The following OTUD7A variants were observed in gnomAD, a reference collection of about 807,000 sequenced individuals.
OTUD7A encodes the protein OTU domain-containing protein 7A.
In OTUD7A, 12 loss-of-function variants were observed where a neutral mutation model predicts 65.7. The ratio of observed to expected loss-of-function variants is 0.18; its 90% CI spans 0.12 to 0.30. The LOEUF (loss-of-function observed/expected upper bound fraction) is 0.30, where lower values mean the gene tolerates loss of function less well. Among genes scored for constraint, OTUD7A ranks in the 10% least tolerant of loss-of-function variants. OTUD7A has a pLI of 1.00. For synonymous variants in OTUD7A, 641 were observed against 586.3 expected (o/e 1.09, Z -1.35); for missense variants, 1,148 against 1,304.8 (o/e 0.88, Z 1.85).
At chr15:31,504,677 T>G (rs1350862328) in intron 8 of OTUD7A, among the ~76,000 whole-genome samples, 2 of 67,710 alleles carry the variant, frequency 3.0e-5, no homozygotes, top group African/African-American at 1.6e-4. Context: ...GTTTGAGGAA[T>G]GCTCAGAATT....
chr15:31,678,490 T>C (rs574976688), intron 1 of OTUD7A, among the ~76,000 whole-genome samples: 1 of 152,240 alleles, frequency 6.6e-6, no homozygotes, highest in South Asian at 2.1e-4. Context: ...AACGGTTTTG[T>C]GGGTTGGGCC....
chr15:31,681,345 A>G (rs1892711613), intron 1 of OTUD7A, among the ~76,000 whole-genome samples: 1 of 151,524 alleles, frequency 6.6e-6, no homozygotes, highest in Non-Finnish European at 1.5e-5. Flanking sequence ...CCACCTATGC[A>G]TGTTTCTGGG....
intron 3 of OTUD7A, among the ~76,000 whole-genome samples, chr15:31,593,288 T>C (rs909961964): frequency 6.6e-6 from 1 of 151,968 alleles, no homozygotes; most frequent in Non-Finnish European, 1.5e-5. Context: ...ACATCTCCTA[T>C]TGGTTCTGTT....
At chr15:31,709,431 T>C (rs1165404050) in intron 1 of OTUD7A, among the ~76,000 whole-genome samples, 1 of 152,024 alleles carries the variant, frequency 6.6e-6, no homozygotes, top group Non-Finnish European at 1.5e-5. Flanking sequence ...GGAACCTGCA[T>C]AGGGACAGCT....
chr15:31,648,117 C>A (rs1334611743), intron 3 of OTUD7A, among the ~76,000 whole-genome samples: 1 of 152,104 alleles, frequency 6.6e-6, no homozygotes, highest in Non-Finnish European at 1.5e-5. Flanking sequence ...GGGAGAACCA[C>A]TTCAGGGACA....
At chr15:31,488,442 A>C (rs559444585) in intron 10 of OTUD7A, among the ~76,000 whole-genome samples, 1 of 152,216 alleles carries the variant, frequency 6.6e-6, no homozygotes, top group East Asian at 1.9e-4. Flanking sequence ...GCCTAGTGAC[A>C]CGGTTGACTC....
intron 3 of OTUD7A, among the ~76,000 whole-genome samples, chr15:31,609,733 G>A (rs28397157): frequency 0.037 from 5,611 of 152,170 alleles, 371 homozygotes; most frequent in African/African-American, 0.13. Flanking sequence ...ATGCTCTCTC[G>A]AAAGCGCTAC....
At position 31,484,643 on chromosome 15, in the gene OTUD7A, G is replaced by C. The variant is rs745670428; in HGVS notation, c.1453C>G (p.Arg485Gly). ...QSLADSLDSDRDSVCSNSNSN... is the reference protein window; with the variant it reads ...QSLADSLDSDGDSVCSNSNSN... Reference sequence around the variant, plus strand: ...TTAGAATTGCTGCACACCGAATCGCGGTCCGAGTCCAGCGAGTCGGCCAGG... The same window carrying C: ...TTAGAATTGCTGCACACCGAATCGCCGTCCGAGTCCAGCGAGTCGGCCAGG... Residue 485 changes from arginine to glycine, a missense_variant, in exon 13 of 13, where the codon CGC becomes GGC. Arg to Gly is a moderately radical substitution (Grantham distance 125, BLOSUM62 -2). Transcript: ENST00000307050. The surrounding 1 kb of genome is among the most constrained non-coding windows in gnomAD (Gnocchi z 4.5). 2 of 1,587,586 alleles carry C rather than the reference G, an allele frequency of 1.3e-6. No homozygotes were observed. Among genetic ancestry groups the C allele is most frequent in the Non-Finnish European group, 8.6e-7 (1 of 1,168,766 alleles).
intron 1 of OTUD7A, among the ~76,000 whole-genome samples, chr15:31,781,861 C>T (rs1895548669): frequency 6.6e-6 from 1 of 152,206 alleles, no homozygotes; most frequent in African/African-American, 2.4e-5. Context: ...TATCTTCAGC[C>T]ATTTCCATCA....
chr15:31,481,991 G>T lies in OTUD7A; in HGVS notation c.*1303C>A, dbSNP rs1412479595. The T allele has an allele frequency of 6.6e-6, 1 of 152,182 alleles. No homozygotes were observed. Among genetic ancestry groups the T allele is most frequent in the Non-Finnish European group, 1.5e-5 (1 of 68,036 alleles). The allele number at this position is 152,182 out of a possible 1,614,324, so 9.4% of individuals were successfully genotyped here. A position where few individuals can be genotyped will look rare whatever the true frequency, so the allele number is the denominator to read the frequency against. On this transcript the variant is annotated 3_prime_UTR_variant, in exon 13 of 13. Transcript: ENST00000307050. ...ATCCTCATTTCTTGGAAACAAGCTCGTTCCTTAGTGAGGCAGATTTAGCTC... is the reference window on the plus strand; with the variant it reads ...ATCCTCATTTCTTGGAAACAAGCTCTTTCCTTAGTGAGGCAGATTTAGCTC...
At chr15:31,493,164 AAAAG>A (rs2041341541) in intron 10 of OTUD7A, among the ~76,000 whole-genome samples, 3 of 149,126 alleles carry the variant, frequency 2.0e-5, no homozygotes, top group Middle Eastern at 3.4e-3. Context: ...AAAAAAAAGA[AAAAG>A]AATCCCATTT....
intron 1 of OTUD7A, among the ~76,000 whole-genome samples, chr15:31,857,574 T>C (rs1206439994): frequency 6.6e-6 from 1 of 151,626 alleles, no homozygotes; most frequent in African/African-American, 2.4e-5. Flanking sequence ...ATAGAGTAAA[T>C]GCAAGCCACA....
chr15:31,480,317 T>C lies in OTUD7A; in HGVS notation c.*2977A>G, dbSNP rs1249113812. The C allele has an allele frequency of 1.3e-5, 2 of 152,188 alleles. No individual in the cohort carries two copies. Among genetic ancestry groups the C allele is most frequent in the Non-Finnish European group, 1.5e-5 (1 of 68,034 alleles). 9.4% of individuals were successfully genotyped at this position (152,188 alleles called of 1,614,324 possible). ...ACCCAGATAACAAATGTGCAGGAAA[T>C]GTAAAGTAAATTTCTGAAATAACCT... On this transcript the variant is annotated 3_prime_UTR_variant, in exon 13 of 13. Coordinates refer to ENST00000307050, the MANE Select transcript of OTUD7A (RefSeq NM_001382637.1).
At chr15:31,564,194 A>C (rs1322286048) in intron 4 of OTUD7A, among the ~76,000 whole-genome samples, 2 of 152,204 alleles carry the variant, frequency 1.3e-5, no homozygotes, top group Non-Finnish European at 2.9e-5. Flanking sequence ...TGAATCTCTT[A>C]GAAGACATGA....
chr15:31,570,175 G>T lies in OTUD7A; in HGVS notation c.174C>A (p.Ala58=). ...GGAGCTGCTCATAGTCGCTCAGAGC[G>T]GCTGTCAGGTCCCAGTTTTTGCCTG... ...LLEGKNWDLT[A]ALSDYEQLRQ... is the part of the protein sequence containing the mutation. The change falls in exon 4 of 13, where the codon GCC becomes GCA. Residue 58 remains alanine, a synonymous_variant. Transcript: ENST00000307050. 6.2e-7 allele frequency: 1 copy of T among 1,614,140 alleles called. No individual in the cohort carries two copies. Among genetic ancestry groups the T allele is most frequent in the Non-Finnish European group, 8.5e-7 (1 of 1,180,016 alleles).
chr15:31,518,392 GA>G (rs1319285332), intron 8 of OTUD7A, among the ~76,000 whole-genome samples: 1 of 152,064 alleles, frequency 6.6e-6, no homozygotes, highest in Admixed American at 6.5e-5. Context: ...ATCATCGCTT[GA>G]ACCCAGGAGG....
At chr15:31,610,026 C>T (rs1863077723) in intron 3 of OTUD7A, among the ~76,000 whole-genome samples, 1 of 151,536 alleles carries the variant, frequency 6.6e-6, no homozygotes, top group Admixed American at 6.6e-5. Context: ...ATCAAGGGAA[C>T]ACCCTGTGGG....
chr15:31,584,435 C>G (rs537178881), intron 3 of OTUD7A, among the ~76,000 whole-genome samples: 1 of 152,150 alleles, frequency 6.6e-6, no homozygotes, highest in Non-Finnish European at 1.5e-5. Context: ...TCAACTGACC[C>G]GCCCTGGGCT....
At chr15:31,620,899 C>T (rs1266584982) in intron 3 of OTUD7A, among the ~76,000 whole-genome samples, 1 of 110,776 alleles carries the variant, frequency 9.0e-6, no homozygotes. Context: ...CTCTTGTGGG[C>T]ATTTAGTGCT....
Sources: gnomAD v4.1 joint callset for allele counts (sites outside exome capture counted in the v4.1 genomes callset) on GRCh38, gnomAD v4.1.1 for gene constraint, Gnocchi (gnomAD v3.1) non-coding constraint, MANE v1.5 for transcripts, NCBI Gene and HGNC (gene_info 2026-07-23, HGNC 2026-07-21) for gene names.